CBX3: variants seen among roughly 807,000 people sequenced by gnomAD.
CBX3 encodes the protein chromobox 3.
In CBX3, 5 loss-of-function variants were observed where a neutral mutation model predicts 22.6. The ratio of observed to expected loss-of-function variants is 0.22; its 90% CI spans 0.12 to 0.47. The LOEUF (loss-of-function observed/expected upper bound fraction) is 0.47, where lower values mean the gene tolerates loss of function less well. Ranked by LOEUF, CBX3 falls within the 20% of genes least tolerant of loss-of-function variation. CBX3 has a pLI of 0.99. For missense variants in CBX3, 83 were observed against 208.1 expected, an observed-to-expected ratio of 0.40 and a Z score of 3.70; for synonymous variants, 50 against 66.6, an observed-to-expected ratio of 0.75 and a Z score of 1.21.
chr7:26,202,108 C>T (rs1380186133), intron 1 of CBX3: 1 of 152,092 alleles, frequency 6.6e-6, no homozygotes, highest in Non-Finnish European at 1.5e-5. Context: ...CCCCTCCCCT[C>T]CCCCACCCGC....
chr7:26,213,567 C>T lies in CBX3; in HGVS notation c.*1359C>T, dbSNP rs1784863161. On this transcript the variant is annotated 3_prime_UTR_variant, in exon 6 of 6. Transcript: ENST00000396386. ...GGGAAATAAAAGTTTCATGTGATGC[C>T]TAGGGTCAATTGTCTCATTAAAATG... is the stretch of plus-strand genomic sequence containing the variant. 1.3e-5 allele frequency among the ~76,000 whole-genome samples: 2 copies of T among 152,120 alleles called. No homozygotes were observed. Among genetic ancestry groups the T allele is most frequent in the South Asian group, 4.1e-4 (2 of 4,822 alleles).
At chr7:26,209,208 A>G (rs557244253) in intron 4 of CBX3, among the ~76,000 whole-genome samples, 2 of 152,106 alleles carry the variant, frequency 1.3e-5, no homozygotes, top group East Asian at 3.9e-4. Context: ...CACCAAGCCC[A>G]CCTTTGACGA....
chr7:26,211,806 T>C, intron 5 of CBX3, 50 bp downstream of exon 5: 4 of 1,354,556 alleles, frequency 3.0e-6, no homozygotes, highest in Non-Finnish European at 4.1e-6. Flanking sequence ...GCTTTTTTTT[T>C]TTAATTTGTG....
At position 26,207,474 on chromosome 7, in the gene CBX3, T is replaced by G. The variant is rs117723070; in HGVS notation, c.168-919T>G. On this transcript the variant is annotated intron_variant, in intron 3 of 5. Coordinates refer to ENST00000396386, the MANE Select transcript of CBX3 (RefSeq NM_016587.4). ...CAAAACTTAAGGCCACTAGCATGAT[T>G]ATAGCGTACTTCCCATGTGCAGTGT... 6.4e-3 allele frequency among the ~76,000 whole-genome samples: 974 copies of G among 152,264 alleles called. 6 individuals are homozygous for G. Among genetic ancestry groups the G allele is most frequent in the Non-Finnish European group, 0.011 (742 of 67,998 alleles).
At chr7:26,204,047 G>T (rs1310717875) in intron 2 of CBX3, among the ~76,000 whole-genome samples, 3 of 152,170 alleles carry the variant, frequency 2.0e-5, no homozygotes, top group African/African-American at 7.2e-5. Context: ...AAATTCATTA[G>T]TGTTGTGAGA....
rs748257690 is a variant in CBX3 at position 26,211,766 on chromosome 7, CAG to C, written c.425+14_425+15del. 4 of 1,541,458 alleles carry C rather than the reference CAG, an allele frequency of 2.6e-6. No individual in the cohort carries two copies. In the Admixed American group the frequency reaches 5.7e-5, roughly 22 times the overall value. On this transcript the variant is annotated intron_variant, in intron 5 of 5. Coordinates refer to ENST00000396386, the MANE Select transcript of CBX3 (RefSeq NM_016587.4). ...TGTTTCTCATGAAATGGTGAGTATG[CAG>C]AGATTGTTACATTTGAAAGTAAGAG...
In CBX3 at chr7:26,206,378, G is replaced by GA. The variant is rs771351914; in HGVS notation, c.42dup (p.Gln15ThrfsTer6). 6.2e-7 allele frequency: 1 copy of GA among 1,600,420 alleles called. No homozygotes were observed. The highest frequency in any genetic ancestry group is 8.5e-7 in the Non-Finnish European group (1 of 1,175,528). On this transcript the variant is annotated frameshift_variant, in exon 3 of 6. Transcript: ENST00000396386. LOFTEE classifies it high-confidence loss of function. ...TTTGTTTTATTTTAGCAAAAAATGG[G>GA]AAAAAAACAGAATGGAAAGAGTAAA...
chr7:26,208,851 C>T (rs1429675505), intron 4 of CBX3, among the ~76,000 whole-genome samples: 1 of 148,946 alleles, frequency 6.7e-6, no homozygotes, highest in Non-Finnish European at 1.5e-5. Context: ...AACTCCTGAC[C>T]TCATGATCCT....
intron 2 of CBX3, chr7:26,206,157 G>T: frequency 2.1e-6 from 1 of 469,590 alleles, no homozygotes; most frequent in East Asian, 3.7e-5. Context: ...TTATTTTGGT[G>T]GTGGGTTGTA....
rs1784841518 is a variant in CBX3 at position 26,212,904 on chromosome 7, A to T, written c.*696A>T. The T allele has an allele frequency of 6.6e-6, 1 of 152,292 alleles. No homozygotes were observed. Among genetic ancestry groups the T allele is most frequent in the Admixed American group, 6.5e-5 (1 of 15,288 alleles). The allele number at this position is 152,292 out of a possible 1,614,324, so 9.4% of individuals were successfully genotyped here. A position where few individuals can be genotyped will look rare whatever the true frequency, so the allele number is the denominator to read the frequency against. On this transcript the variant is annotated 3_prime_UTR_variant, in exon 6 of 6. Transcript: ENST00000396386. ...CACTGCCATCACAGCAGGTTTCCTC[A>T]TCCAGATGAGGAAACTAGACAAATG... is the stretch of plus-strand genomic sequence containing the variant.
At chr7:26,202,178 C>A (rs1246229206) in intron 1 of CBX3, 1 of 152,006 alleles carries the variant, frequency 6.6e-6, no homozygotes, top group East Asian at 1.9e-4. Context: ...AGACTTGGGC[C>A]TCCCGGAGGG....
chr7:26,206,556 A>C, intron 3 of CBX3, 46 bp downstream of exon 3: 1 of 1,585,230 alleles, frequency 6.3e-7, no homozygotes, highest in Non-Finnish European at 8.6e-7. Flanking sequence ...ACTGCAGCTA[A>C]GTGGTTTTAG....
At position 26,212,063 on chromosome 7, in the gene CBX3, T is replaced by A. The variant is rs1784812064; in HGVS notation, c.426-19T>A. ...AACAACTTCGACTTGTAACTGAATTTTTCTTTTTCTTAAAACAGGAAAGAT... is the reference window on the plus strand; with the variant it reads ...AACAACTTCGACTTGTAACTGAATTATTCTTTTTCTTAAAACAGGAAAGAT... On this transcript the variant is annotated intron_variant, in intron 5 of 5. Coordinates refer to ENST00000396386, the MANE Select transcript of CBX3 (RefSeq NM_016587.4). The A allele has an allele frequency of 6.6e-7, 1 of 1,504,538 alleles. No individual in the cohort carries two copies. The highest frequency in any genetic ancestry group is 1.4e-5 in the African/African-American group (1 of 70,026). The allele number at this position is 1,504,538 out of a possible 1,614,324, so 93.2% of individuals were successfully genotyped here. A position where few individuals can be genotyped will look rare whatever the true frequency, so the allele number is the denominator to read the frequency against.
At position 26,208,566 on chromosome 7, in the gene CBX3, A is replaced by G; in HGVS notation, c.330+11A>G. ...AAGAAAAGAGATGCTGTAAGTATAA[A>G]ATATTGCCCACCAGCTTGTCCTTTT... On this transcript the variant is annotated intron_variant, in intron 4 of 5. Transcript: ENST00000396386. The G allele has an allele frequency of 1.4e-6, 2 of 1,450,758 alleles. No individual in the cohort carries two copies. Among genetic ancestry groups the G allele is most frequent in the Non-Finnish European group, 1.9e-6 (2 of 1,079,802 alleles). 89.9% of individuals were successfully genotyped at this position (1,450,758 alleles called of 1,614,324 possible).
rs760770510 is a variant in CBX3, at chr7:26,202,961, A to G, written c.-28-10A>G. The G allele has an allele frequency of 1.3e-6, 2 of 1,573,866 alleles. No individual in the cohort carries two copies. Among genetic ancestry groups the G allele is most frequent in the South Asian group, 2.2e-5 (2 of 89,674 alleles). ...TGCAAACTTACCTTAACTGTCATGC[A>G]TTTTTCTAGTAATAGCTCTTCAAGT... On this transcript the variant is annotated splice_polypyrimidine_tract_variant and intron_variant, in intron 1 of 5. Coordinates refer to ENST00000396386, the MANE Select transcript of CBX3 (RefSeq NM_016587.4).
At chr7:26,203,082 T>A in intron 2 of CBX3, 60 bp downstream of exon 2, 2 of 1,112,344 alleles carry the variant, frequency 1.8e-6, no homozygotes, top group Non-Finnish European at 2.6e-6. Context: ...TTCCCCACAG[T>A]ATAACTTTGC....
intron 4 of CBX3, chr7:26,209,849 T>C (rs950418818): frequency 6.6e-6 from 1 of 152,224 alleles, no homozygotes; most frequent in Admixed American, 6.5e-5. Context: ...GCACTAAACA[T>C]GATTTAAAAC....
chr7:26,203,536 A>G (rs1054132282), intron 2 of CBX3, among the ~76,000 whole-genome samples: 3 of 152,322 alleles, frequency 2.0e-5, no homozygotes, highest in Middle Eastern at 3.4e-3. Context: ...AGTTTAATTC[A>G]TTGCAGTGTT....
chr7:26,211,849 T>G (rs1271456241), intron 5 of CBX3, 93 bp downstream of exon 5: 3 of 985,420 alleles, frequency 3.0e-6, no homozygotes, highest in African/African-American at 1.7e-5. Context: ...AGGGAAAAAC[T>G]ATCTGCTGAG....
Sources: allele counts gnomAD v4.1 joint callset (sites outside exome capture counted in the v4.1 genomes callset), GRCh38; gene constraint gnomAD v4.1.1; transcripts MANE v1.5; gene names NCBI Gene and HGNC (gene_info 2026-07-23, HGNC 2026-07-21).